Variants in CSMD1 observed in about 807,000 individuals in gnomAD.
CSMD1 encodes the protein CUB and sushi domain-containing protein 1.
CSMD1 carries 213 observed loss-of-function variants against 417.5 expected under a neutral mutation model. The observed-to-expected ratio is 0.51, with a 90% CI of 0.46 to 0.57. The LOEUF (loss-of-function observed/expected upper bound fraction) is 0.57, where lower values mean the gene tolerates loss of function less well. Among genes scored for constraint, CSMD1 ranks in the 20% least tolerant of loss-of-function variants. The pLI is 0.00. For synonymous variants in CSMD1, 2,862 were observed against 1,736.8 expected (o/e 1.65, Z -16.11); for missense variants, 6,923 against 4,529.7 (o/e 1.53, Z -15.17).
At chr8:3,482,116 A>C (rs568413835) in intron 11 of CSMD1, among the ~76,000 whole-genome samples, 2 of 152,376 alleles carry the variant, frequency 1.3e-5, no homozygotes, top group East Asian at 3.9e-4. Flanking sequence ...CAAGAAAAGC[A>C]GTAAAAGGGG....
chr8:3,552,049 G>C (rs1331377728), intron 10 of CSMD1, among the ~76,000 whole-genome samples: 2 of 152,224 alleles, frequency 1.3e-5, no homozygotes, highest in Non-Finnish European at 2.9e-5. Flanking sequence ...AGATTTTGCA[G>C]ATGCATGTTC....
intron 3 of CSMD1, among the ~76,000 whole-genome samples, chr8:4,151,531 T>C (rs966931714): frequency 6.6e-5 from 10 of 152,226 alleles, no homozygotes; most frequent in African/African-American, 2.4e-4. Context: ...TGAAACTTTA[T>C]CATAGACTTA....
chr8:4,796,567 C>G (rs1442748957), intron 1 of CSMD1, among the ~76,000 whole-genome samples: 1 of 151,600 alleles, frequency 6.6e-6, no homozygotes, highest in Non-Finnish European at 1.5e-5. Context: ...CCCCTGTCTC[C>G]CACTCACTGT....
At chr8:3,145,717 C>G (rs1032016704) in intron 40 of CSMD1, among the ~76,000 whole-genome samples, 4 of 152,100 alleles carry the variant, frequency 2.6e-5, no homozygotes, top group African/African-American at 7.2e-5. Context: ...TTGTAAAGCC[C>G]AAATAAAAGG....
chr8:3,911,193 G>C (rs1563202597), intron 5 of CSMD1, among the ~76,000 whole-genome samples: 1 of 152,124 alleles, frequency 6.6e-6, no homozygotes, highest in Non-Finnish European at 1.5e-5. Context: ...ACGGGTCTCT[G>C]GGGACTAGAT....
At chr8:3,270,335 C>T (rs1387598065) in intron 26 of CSMD1, among the ~76,000 whole-genome samples, 1 of 152,138 alleles carries the variant, frequency 6.6e-6, no homozygotes, top group Non-Finnish European at 1.5e-5. Context: ...GGATTACAGG[C>T]ATGAGCCACT....
intron 21 of CSMD1, among the ~76,000 whole-genome samples, chr8:3,356,675 C>G (rs1166618227): frequency 6.7e-6 from 1 of 149,068 alleles, no homozygotes; most frequent in East Asian, 2.0e-4. Context: ...AACTCCATCT[C>G]AAAACAAAAC....
intron 2 of CSMD1, among the ~76,000 whole-genome samples, chr8:4,424,499 G>A (rs965161180): frequency 1.3e-5 from 2 of 151,890 alleles, no homozygotes; most frequent in South Asian, 2.1e-4. Flanking sequence ...TACCGCACAT[G>A]ATATTTCAGC....
chr8:4,585,592 C>T (rs1480663813), intron 2 of CSMD1, among the ~76,000 whole-genome samples: 7 of 151,834 alleles, frequency 4.6e-5, no homozygotes, highest in Non-Finnish European at 7.4e-5. Flanking sequence ...TGAAAGAAAC[C>T]AAATTACAAA....
rs1222182605 is a variant in CSMD1, at chr8:3,795,463, A to C, written c.819-41421T>G. On this transcript the variant is annotated intron_variant, in intron 5 of 69. Coordinates refer to ENST00000635120, the MANE Select transcript of CSMD1 (RefSeq NM_033225.6). ...ATATATCTATCATAGATATAGATAT[A>C]TATCTATCATAGATATAGATATATA... 2.7e-4 allele frequency among the ~76,000 whole-genome samples: 4 copies of C among 15,028 alleles called. 1 individual carries two copies. Among genetic ancestry groups the C allele is most frequent in the African/African-American group, 1.0e-3 (4 of 3,988 alleles). 9.9% of individuals were successfully genotyped at this position (15,028 alleles called of 152,430 possible).
intron 3 of CSMD1, among the ~76,000 whole-genome samples, chr8:4,224,928 T>C (rs1441708925): frequency 2.0e-5 from 3 of 152,096 alleles, no homozygotes; most frequent in Admixed American, 6.5e-5. Flanking sequence ...CTTCCCAATA[T>C]TGTGAAACCC....
chr8:4,517,183 CA>C (rs1267522182), intron 2 of CSMD1, among the ~76,000 whole-genome samples: 1 of 152,088 alleles, frequency 6.6e-6, no homozygotes, highest in African/African-American at 2.4e-5. Flanking sequence ...TATAAGAAAA[CA>C]AGCAGTTTAT....
At chr8:4,316,442 C>G (rs1296208206) in intron 3 of CSMD1, among the ~76,000 whole-genome samples, 1 of 152,154 alleles carries the variant, frequency 6.6e-6, no homozygotes, top group African/African-American at 2.4e-5. Flanking sequence ...TGTGAAATAA[C>G]TGTGGTTTTC....
chr8:3,456,970 T>A (rs1279279865), intron 12 of CSMD1, among the ~76,000 whole-genome samples: 1 of 151,830 alleles, frequency 6.6e-6, no homozygotes, highest in Non-Finnish European at 1.5e-5. Context: ...CATCCTGCAC[T>A]TCCTCATCCC....
chr8:3,985,224 C>T (rs181046803), intron 5 of CSMD1, among the ~76,000 whole-genome samples: 27 of 152,262 alleles, frequency 1.8e-4, no homozygotes, highest in Admixed American at 1.6e-3. Context: ...GAAGCATTGA[C>T]GGGTTATAAA....
At chr8:4,149,243 C>G (rs1647369) in intron 3 of CSMD1, among the ~76,000 whole-genome samples, 27,090 of 152,116 alleles carry the variant, frequency 0.18, 2,675 homozygotes, top group East Asian at 0.3. Context: ...AGATAACAGG[C>G]ATAAGCCACT....
chr8:2,988,668 G>C (rs776656771), intron 54 of CSMD1, among the ~76,000 whole-genome samples: 3 of 152,140 alleles, frequency 2.0e-5, no homozygotes, highest in Non-Finnish European at 4.4e-5. Flanking sequence ...CATCCAGAAA[G>C]ATACTACTAC....
chr8:3,398,737 C>A (rs1186790598), intron 16 of CSMD1, among the ~76,000 whole-genome samples: 1 of 152,180 alleles, frequency 6.6e-6, no homozygotes, highest in Admixed American at 6.5e-5. Flanking sequence ...TTTTAATCAT[C>A]AATTTGGTCT....
intron 18 of CSMD1, among the ~76,000 whole-genome samples, chr8:3,372,169 G>C (rs1199884087): frequency 6.6e-6 from 1 of 152,162 alleles, no homozygotes; most frequent in Non-Finnish European, 1.5e-5. Flanking sequence ...GCCGTACTTA[G>C]GAAGTGGTCT....
Sources: allele counts gnomAD v4.1 joint callset (sites outside exome capture counted in the v4.1 genomes callset), GRCh38; gene constraint gnomAD v4.1.1; transcripts MANE v1.5; gene names NCBI Gene and HGNC (gene_info 2026-07-23, HGNC 2026-07-21).